The following TEC variants were observed in gnomAD, a reference collection of about 807,000 sequenced individuals.
The protein encoded by TEC is tyrosine-protein kinase Tec.
TEC carries 72 observed loss-of-function variants against 93.0 expected under a neutral mutation model. The ratio of observed to expected loss-of-function variants is 0.77; its 90% CI spans 0.64 to 0.94. The LOEUF (loss-of-function observed/expected upper bound fraction) is 0.94. Among genes scored for constraint, TEC ranks in the 40% least tolerant of loss-of-function variants. TEC has a pLI of 0.00. For missense variants in TEC, 630 were observed against 757.9 expected, an observed-to-expected ratio of 0.83 and a Z score of 1.98; for synonymous variants, 249 against 247.7, an observed-to-expected ratio of 1.01 and a Z score of -0.05.
At chr4:48,141,563 C>T in intron 14 of TEC, 144 bp from the exon 15 acceptor site, 2 of 702,276 alleles carry the variant, frequency 2.8e-6, no homozygotes, top group Admixed American at 5.8e-5. Context: ...GTTGTTTTTA[C>T]CCCTATGGAA....
chr4:48,256,432 A>C (rs1724347271), intron 1 of TEC, among the ~76,000 whole-genome samples: 1 of 151,488 alleles, frequency 6.6e-6, no homozygotes, highest in Non-Finnish European at 1.5e-5. Flanking sequence ...AAAAATTTAA[A>C]AAAAAAAAAA....
chr4:48,239,659 G>A (rs1308711801), intron 1 of TEC, among the ~76,000 whole-genome samples: 6 of 151,996 alleles, frequency 3.9e-5, no homozygotes, highest in Non-Finnish European at 7.4e-5. Flanking sequence ...ACATTCATCC[G>A]TGTCTATATA....
Position 48,171,357 on chromosome 4 carries a change from T to C in TEC, c.325+11A>G, listed in dbSNP as rs1577719608. ...AAATTATATACAGAGTAATATTTCA[T>C]TGAGTTTTACCTTCTTTTAACTTCT... On this transcript the variant is annotated intron_variant, in intron 4 of 17. Coordinates refer to ENST00000381501, the MANE Select transcript of TEC (RefSeq NM_003215.3). 4.4e-6 allele frequency: 7 copies of C among 1,606,596 alleles called. No individual in the cohort carries two copies. In the African/African-American group the frequency reaches 6.7e-5, roughly 15 times the overall value.
intron 2 of TEC, among the ~76,000 whole-genome samples, chr4:48,182,456 TAAG>T (rs1328211241): frequency 6.6e-6 from 1 of 151,938 alleles, no homozygotes; most frequent in Non-Finnish European, 1.5e-5. Flanking sequence ...TCTGCCGAGC[TAAG>T]AAGACCACCT....
intron 5 of TEC, among the ~76,000 whole-genome samples, chr4:48,169,385 A>T (rs1039013970): frequency 6.6e-6 from 1 of 152,182 alleles, no homozygotes; most frequent in African/African-American, 2.4e-5. Flanking sequence ...ATTAAAAAAA[A>T]AATAAGGAAC....
At chr4:48,163,312 C>A (rs1211745590) in intron 8 of TEC, among the ~76,000 whole-genome samples, 1 of 152,160 alleles carries the variant, frequency 6.6e-6, no homozygotes, top group East Asian at 1.9e-4. Flanking sequence ...TATACTAATG[C>A]TGACAAAGGT....
intron 1 of TEC, among the ~76,000 whole-genome samples, chr4:48,236,278 G>A (rs1167763848): frequency 1.3e-5 from 2 of 151,486 alleles, no homozygotes; most frequent in Non-Finnish European, 2.9e-5. Flanking sequence ...ATTACAAACA[G>A]CTTTTTTTTT....
chr4:48,158,085 G>A (rs1448021882), intron 8 of TEC, among the ~76,000 whole-genome samples: 1 of 152,052 alleles, frequency 6.6e-6, no homozygotes, highest in Non-Finnish European at 1.5e-5. Context: ...CAGCTCCTCT[G>A]GACATTTAAA....
intron 1 of TEC, among the ~76,000 whole-genome samples, chr4:48,252,663 A>T (rs1276901713): frequency 1.3e-5 from 2 of 152,250 alleles, no homozygotes. Flanking sequence ...AGATATAGGC[A>T]GACAATCACT....
intron 2 of TEC, among the ~76,000 whole-genome samples, chr4:48,207,372 C>A (rs1169925316): frequency 1.3e-5 from 2 of 152,104 alleles, no homozygotes; most frequent in Non-Finnish European, 2.9e-5. Flanking sequence ...AACTACAAAC[C>A]CTGTGTGTCT....
rs565839342 is a variant in TEC, at chr4:48,213,766, T to C, written c.138+14711A>G. 3.9e-5 allele frequency among the ~76,000 whole-genome samples: 6 copies of C among 152,282 alleles called. 1 individual carries two copies. The East Asian group carries it at 7.7e-4, about 20-fold the overall frequency. On this transcript the variant is annotated intron_variant, in intron 2 of 17. Transcript: ENST00000381501. The stretch of plus-strand genomic sequence containing the variant: ...TGGGGGAGAGATTAATACTAATAAA[T>C]ACTGAATTAAAACATACCCTTGTTT...
At position 48,138,675 on chromosome 4, in the gene TEC, C is replaced by A; in HGVS notation, c.1802G>T (p.Cys601Phe). The A allele has an allele frequency of 2.5e-6, 4 of 1,604,582 alleles. No homozygotes were observed. The highest frequency in any genetic ancestry group is 3.4e-6 in the Non-Finnish European group (4 of 1,177,034). The change falls in exon 17 of 18, where the codon TGT becomes TTT. Residue 601 changes from cysteine to phenylalanine, a missense_variant. Cys to Phe is a radical substitution (Grantham distance 205). Around this residue, in one of 3 missense-constraint regions of TEC, gnomAD observed 289 missense variants for 390.0 expected, o/e 0.74. Transcript: ENST00000381501. ...ACAAAAAATCTATACCTCCTGCCAA[C>A]ATCTCAGCATCACCTCATACACATA... ...SNYVYEVMLR[C>F]WQEKPEGRPS...
At chr4:48,265,559 T>C (rs1248720825) in intron 1 of TEC, among the ~76,000 whole-genome samples, 2 of 149,610 alleles carry the variant, frequency 1.3e-5, no homozygotes, top group African/African-American at 4.9e-5. Flanking sequence ...GTTTCCCAGG[T>C]TGGAGTACAG....
At chr4:48,202,164 A>G (rs1722545658) in intron 2 of TEC, among the ~76,000 whole-genome samples, 1 of 152,022 alleles carries the variant, frequency 6.6e-6, no homozygotes, top group African/African-American at 2.4e-5. Context: ...AACTTCTTTC[A>G]AACAATTATC....
At chr4:48,230,418 A>T (rs930746917) in intron 1 of TEC, among the ~76,000 whole-genome samples, 7 of 152,184 alleles carry the variant, frequency 4.6e-5, no homozygotes, top group Admixed American at 2.0e-4. Context: ...ATGGGCAAGA[A>T]CTGACCATGA....
At chr4:48,239,981 A>AGTGTGTGTGTGT (rs5858109) in intron 1 of TEC, among the ~76,000 whole-genome samples, 38 of 149,598 alleles carry the variant, frequency 2.5e-4, no homozygotes, top group African/African-American at 8.3e-4. Flanking sequence ...TTGCTCTGTG[A>AGTGTGTGTGTGT]GTGTGTGTGT....
chr4:48,260,953 C>T (rs1480903767), intron 1 of TEC, among the ~76,000 whole-genome samples: 3 of 152,162 alleles, frequency 2.0e-5, no homozygotes, highest in Non-Finnish European at 4.4e-5. Context: ...TTTACATCTT[C>T]TAACAAGGAA....
At chr4:48,266,854 G>A (rs560568570) in intron 1 of TEC, among the ~76,000 whole-genome samples, 4 of 146,310 alleles carry the variant, frequency 2.7e-5, no homozygotes, top group East Asian at 4.0e-4. Flanking sequence ...AAAAAAAAAC[G>A]AAAAAAAAGT....
intron 2 of TEC, among the ~76,000 whole-genome samples, chr4:48,186,202 C>G (rs1268317445): frequency 6.6e-6 from 1 of 152,204 alleles, no homozygotes; most frequent in East Asian, 1.9e-4. Context: ...GATCTCGGCT[C>G]GTTACAACCT....
Sources: allele counts gnomAD v4.1 joint callset (sites outside exome capture counted in the v4.1 genomes callset), GRCh38; gene constraint gnomAD v4.1.1; regional missense constraint gnomAD v4.1.1; transcripts MANE v1.5; gene names NCBI Gene and HGNC (gene_info 2026-07-23, HGNC 2026-07-21).